ELAVL4: variants seen among roughly 807,000 people sequenced by gnomAD.
The protein encoded by ELAVL4 is ELAV like RNA binding protein 4.
In ELAVL4, 1 loss-of-function variant was observed where a neutral mutation model predicts 35.6. The ratio of observed to expected loss-of-function variants is 0.03; its 90% confidence interval spans 0.01 to 0.13. ELAVL4 has a LOEUF of 0.13. Ranked by LOEUF, ELAVL4 falls within the 10% of genes least tolerant of loss-of-function variation. ELAVL4 has a pLI of 1.00. For missense variants in ELAVL4, 267 were observed against 464.9 expected (o/e 0.57, Z 3.91); for synonymous variants, 156 against 171.0 (o/e 0.91, Z 0.69).
chr1:50,101,520 T>A (rs1665977838), upstream of ELAVL4, among the ~76,000 whole-genome samples: 1 of 152,248 alleles, frequency 6.6e-6, no homozygotes, highest in African/African-American at 2.4e-5. Context: ...TTAATCTTGC[T>A]ATTTTTTAGT....
At chr1:50,112,179 AT>A (rs1667184819) in intron 1 of ELAVL4, among the ~76,000 whole-genome samples, 1 of 151,918 alleles carries the variant, frequency 6.6e-6, no homozygotes, top group Non-Finnish European at 1.5e-5. Context: ...ATAAACTTGT[AT>A]TTTTTGTCAT....
chr1:50,052,018 A>G (rs558943157), intron 1 of ELAVL4, among the ~76,000 whole-genome samples: 1 of 152,262 alleles, frequency 6.6e-6, no homozygotes, highest in African/African-American at 2.4e-5. Flanking sequence ...CTGTTGGATT[A>G]GGGCCCACTC....
intron 1 of ELAVL4, among the ~76,000 whole-genome samples, chr1:50,122,753 G>A (rs1319801348): frequency 2.6e-5 from 4 of 151,994 alleles, no homozygotes; most frequent in African/African-American, 4.8e-5. Context: ...ATGGAAGGTG[G>A]GCTTCCTTAG....
At chr1:50,076,214 A>G (rs991403454) in intron 1 of ELAVL4, among the ~76,000 whole-genome samples, 6 of 152,152 alleles carry the variant, frequency 3.9e-5, no homozygotes, top group African/African-American at 1.4e-4. Flanking sequence ...ATTGTAGAGG[A>G]TTTCAGTTGA....
rs371723891 is a variant in ELAVL4, at chr1:50,081,549, T to A, written c.18+33367T>A. On this transcript the variant is annotated intron_variant, in intron 1 of 6. Coordinates refer to the ELAVL4 transcript ENST00000448907. ...GTGTGTCTGGGCTAGAGCCCAGGAA[T>A]CTGCCTTTAATAAGCACACCAGGGT... Among the ~76,000 whole-genome samples the A allele has an allele frequency of 3.0e-4, 46 of 152,382 alleles. 1 individual carries two copies. The South Asian group carries it at 8.7e-3, about 29-fold the overall frequency.
chr1:50,074,539 G>A (rs1019369793), intron 1 of ELAVL4, among the ~76,000 whole-genome samples: 3 of 152,090 alleles, frequency 2.0e-5, no homozygotes, highest in Non-Finnish European at 2.9e-5. Context: ...TATTGGCTCC[G>A]GAGTTTTCAG....
chr1:50,144,827 C>T lies in ELAVL4; in HGVS notation c.10-130C>T, dbSNP rs769493138. On this transcript the variant is annotated intron_variant, in intron 1 of 6. Coordinates refer to ENST00000371824, the MANE Select transcript of ELAVL4 (RefSeq NM_001144774.3). ...CATGCTTCTAAATTGGCTGTGTTCA[C>T]AACCCAGTCTCTTGCTCCATCTTGC... 15 of 1,419,930 alleles carry T rather than the reference C, an allele frequency of 1.1e-5. No individual in the cohort carries two copies. The South Asian group carries it at 1.6e-4, about 15-fold the overall frequency. 88.0% of individuals were successfully genotyped at this position (1,419,930 alleles called of 1,614,324 possible).
intron 1 of ELAVL4, among the ~76,000 whole-genome samples, chr1:50,133,109 C>T (rs1671140912): frequency 6.6e-6 from 1 of 152,172 alleles, no homozygotes; most frequent in Admixed American, 6.5e-5. Context: ...TGTTAGACTC[C>T]TGGGCTGTTT....
intron 2 of ELAVL4, among the ~76,000 whole-genome samples, chr1:50,165,989 CA>C (rs897202683): frequency 1.5e-4 from 23 of 151,990 alleles, no homozygotes; most frequent in African/African-American, 5.6e-4. Flanking sequence ...GCATCCAGCA[CA>C]GGAGAAAGAT....
At chr1:50,097,664 GC>G (rs1222151465) in intron 1 of ELAVL4, among the ~76,000 whole-genome samples, 2 of 152,076 alleles carry the variant, frequency 1.3e-5, no homozygotes, top group African/African-American at 4.8e-5. Context: ...TGTGTATAAG[GC>G]CCATTGTTCT....
At position 50,048,200 on chromosome 1, in the gene ELAVL4, C is replaced by T. The variant is rs143333748; in HGVS notation, c.18+18C>T. ...AGAACCAGGTAGAAGCGCCTCGGCG[C>T]AGGCCCCGCACCCCCGACTCTGCCC... is the stretch of plus-strand genomic sequence containing the variant. On this transcript the variant is annotated intron_variant, in intron 1 of 6. Coordinates refer to the ELAVL4 transcript ENST00000448907. 254 of 1,515,332 alleles carry T rather than the reference C, an allele frequency of 1.7e-4. 4 individuals carry two copies. In the East Asian group the frequency reaches 6.6e-3, roughly 40 times the overall value. The allele number at this position is 1,515,332 out of a possible 1,614,324, so 93.9% of individuals were successfully genotyped here.
chr1:50,154,219 G>A (rs1675320468), intron 2 of ELAVL4, among the ~76,000 whole-genome samples: 1 of 152,204 alleles, frequency 6.6e-6, no homozygotes. Flanking sequence ...TTGAACCCAA[G>A]TCTGATTCTG....
At chr1:50,136,122 A>G (rs780088713) in intron 1 of ELAVL4, among the ~76,000 whole-genome samples, 3 of 152,216 alleles carry the variant, frequency 2.0e-5, no homozygotes, top group Non-Finnish European at 4.4e-5. Context: ...GAGCTGATCT[A>G]AGACACTTTA....
At chr1:50,160,885 G>A (rs116647722) in intron 2 of ELAVL4, among the ~76,000 whole-genome samples, 156 of 152,278 alleles carry the variant, frequency 1.0e-3, no homozygotes, top group African/African-American at 3.3e-3. Flanking sequence ...TTCTACATGC[G>A]CTTTGTAAGA....
intron 2 of ELAVL4, among the ~76,000 whole-genome samples, chr1:50,171,292 G>T (rs535948790): frequency 1.3e-5 from 2 of 152,294 alleles, no homozygotes; most frequent in African/African-American, 4.8e-5. Context: ...GTAACTGCCT[G>T]ATGCCAGACA....
At position 50,144,768 on chromosome 1, in the gene ELAVL4, A is replaced by T. The variant is rs539482226; in HGVS notation, c.10-189A>T. 4 of 864,880 alleles carry T rather than the reference A, an allele frequency of 4.6e-6. No individual in the cohort carries two copies. In the Admixed American group the frequency reaches 5.1e-5, roughly 11 times the overall value. 53.6% of individuals were successfully genotyped at this position (864,880 alleles called of 1,614,324 possible). The stretch of plus-strand genomic sequence containing the variant: ...TTCAAAATCTATGGGCTGGCCTAAA[A>T]ATAGAAAGAGGAGTTTAACATTTTG... On this transcript the variant is annotated intron_variant, in intron 1 of 6. Transcript: ENST00000371824.
intron 2 of ELAVL4, among the ~76,000 whole-genome samples, chr1:50,171,430 A>G (rs1678986919): frequency 6.6e-6 from 1 of 152,202 alleles, no homozygotes; most frequent in East Asian, 1.9e-4. Context: ...CAGACAGATT[A>G]TTTAACATTT....
At chr1:50,053,925 A>C (rs1019906534) in intron 1 of ELAVL4, among the ~76,000 whole-genome samples, 1 of 152,182 alleles carries the variant, frequency 6.6e-6, no homozygotes, top group African/African-American at 2.4e-5. Context: ...TATTTGAACA[A>C]AACTTGATGA....
intron 1 of ELAVL4, among the ~76,000 whole-genome samples, chr1:50,060,906 A>G (rs1663929556): frequency 1.3e-5 from 2 of 152,164 alleles, no homozygotes; most frequent in Admixed American, 6.5e-5. Flanking sequence ...CATTCAAGAT[A>G]ATTTTTCTTC....
Sources: allele counts gnomAD v4.1 joint callset (sites outside exome capture counted in the v4.1 genomes callset), GRCh38; gene constraint gnomAD v4.1.1; transcripts MANE v1.5; gene names NCBI Gene and HGNC (gene_info 2026-07-23, HGNC 2026-07-21).